The following DLGAP3 variants were observed in gnomAD, a reference collection of about 807,000 sequenced individuals.
DLGAP3 encodes DLG associated protein 3.
A neutral mutation model predicts 81.2 loss-of-function variants in DLGAP3; 17 were observed. The observed-to-expected ratio is 0.21, with a 90% confidence interval of 0.14 to 0.31. DLGAP3 has a LOEUF of 0.31. DLGAP3 is among the 10% of genes least tolerant of loss of function. The pLI is 1.00. For missense variants in DLGAP3, 1,124 were observed against 1,388.0 expected, an observed-to-expected ratio of 0.81 and a Z score of 3.02; for synonymous variants, 577 against 587.4, an observed-to-expected ratio of 0.98 and a Z score of 0.26.
At chr1:34,908,324 C>A (rs1015420047) in intron 1 of DLGAP3, among the ~76,000 whole-genome samples, 1 of 152,222 alleles carries the variant, frequency 6.6e-6, no homozygotes, top group Non-Finnish European at 1.5e-5. Context: ...TCAAGGAAGA[C>A]TTCTCAGAGG....
Position 34,904,711 on chromosome 1 carries a change from G to A in DLGAP3, c.673C>T (p.His225Tyr), listed in dbSNP as rs753976419. 6 of 1,613,258 alleles carry A rather than the reference G, an allele frequency of 3.7e-6. No homozygotes were observed. Among genetic ancestry groups the A allele is most frequent in the Non-Finnish European group, 5.1e-6 (6 of 1,180,034 alleles). Residue 225 changes from histidine (H) to tyrosine (Y), a missense_variant, in exon 3 of 12, where the codon CAC (histidine) becomes TAC (tyrosine). By Grantham distance (83) the His-to-Tyr change is moderately conservative. Coordinates refer to ENST00000373347, the MANE Select transcript of DLGAP3 (RefSeq NM_001080418.3). The surrounding 1 kb of genome is among the most constrained non-coding windows in gnomAD (Gnocchi z 8.1). ...TGGTGGTGATGGTGGTGGTGATGGTGGTGATGGGAGGTGTGGGGGCCTCCA... is the reference window on the plus strand; with the variant it reads ...TGGTGGTGATGGTGGTGGTGATGGTAGTGATGGGAGGTGTGGGGGCCTCCA... ...GSGGPHTSHHHHHHHHHHHHQ... is the reference protein window; with the variant it reads ...GSGGPHTSHHYHHHHHHHHHQ...
intron 8 of DLGAP3, among the ~76,000 whole-genome samples, chr1:34,882,408 G>A (rs930530959): frequency 1.3e-5 from 2 of 152,082 alleles, no homozygotes; most frequent in African/African-American, 4.8e-5. Flanking sequence ...AACCCGGGAG[G>A]CAGAGGTTGC....
Position 34,912,648 on chromosome 1 carries a change from T to A in DLGAP3, c.-134-5211A>T, listed in dbSNP as rs186631931. On this transcript the variant is annotated intron_variant, in intron 1 of 11. Coordinates refer to ENST00000373347, the MANE Select transcript of DLGAP3 (RefSeq NM_001080418.3). ...AGGCCTAGAATTCATTTTGCTGCTG[T>A]TGGCCTGGCTCCTCCATGCCTGTGA... Among the ~76,000 whole-genome samples the A allele has an allele frequency of 7.9e-5, 12 of 152,324 alleles. No individual in the cohort carries two copies. In the East Asian group the frequency reaches 1.7e-3, roughly 22 times the overall value.
chr1:34,898,145 A>G (rs1639404611), intron 5 of DLGAP3, among the ~76,000 whole-genome samples: 1 of 152,202 alleles, frequency 6.6e-6, no homozygotes, highest in Non-Finnish European at 1.5e-5. Flanking sequence ...GGCTGGAGAT[A>G]TACATTTGGT....
intron 5 of DLGAP3, among the ~76,000 whole-genome samples, chr1:34,894,782 A>G (rs1162447887): frequency 6.6e-6 from 1 of 152,212 alleles, no homozygotes; most frequent in African/African-American, 2.4e-5. Context: ...GGAGTAAAAA[A>G]GGTAGAGATG....
chr1:34,900,278 A>G lies in DLGAP3; in HGVS notation c.1108-5T>C. ...CCCCCAGTCATCTTGCGGCACCTGC[A>G]GGAACAGGGGTCTCTGTCTCTCAGA... On this transcript the variant is annotated splice_region_variant and splice_polypyrimidine_tract_variant and intron_variant, in intron 3 of 11. Coordinates refer to ENST00000373347, the MANE Select transcript of DLGAP3 (RefSeq NM_001080418.3). This position sits in a 1 kb window ranked among gnomAD's most constrained non-coding sequence, Gnocchi z 5.6. 1 of 1,613,374 alleles carries G rather than the reference A, an allele frequency of 6.2e-7. No individual in the cohort carries two copies. Among genetic ancestry groups the G allele is most frequent in the Non-Finnish European group, 8.5e-7 (1 of 1,179,670 alleles).
At position 34,873,425 on chromosome 1, in the gene DLGAP3, A is replaced by G. The variant is rs958265938; in HGVS notation, c.2001-4336T>C. On this transcript the variant is annotated intron_variant, in intron 8 of 11. Coordinates refer to ENST00000373347, the MANE Select transcript of DLGAP3 (RefSeq NM_001080418.3). The surrounding 1 kb of genome is among the most constrained non-coding windows in gnomAD (Gnocchi z 4.2). ...GTGCTCTGGAGCCTTGCCCGGGTCC[A>G]AAACCCAGCTCGGTGGCTTGTGCCT... Among the ~76,000 whole-genome samples the G allele has an allele frequency of 6.6e-6, 1 of 152,236 alleles. No individual in the cohort carries two copies. The highest frequency in any genetic ancestry group is 2.4e-5 in the African/African-American group (1 of 41,464).
At chr1:34,884,948 G>A (rs1639195088) in intron 8 of DLGAP3, 30 bp downstream of exon 8, 12 of 1,553,042 alleles carry the variant, frequency 7.7e-6, no homozygotes, top group East Asian at 2.2e-5. Context: ...GTCTCCCAGC[G>A]AAGCCTGGGC....
chr1:34,885,389 C>G, intron 7 of DLGAP3, 89 bp downstream of exon 7: 1 of 1,391,582 alleles, frequency 7.2e-7, no homozygotes, highest in African/African-American at 1.4e-5. Flanking sequence ...GAAAGAATGT[C>G]GATATATCCA....
At chr1:34,920,255 T>C (rs963715816) in intron 1 of DLGAP3, among the ~76,000 whole-genome samples, 2 of 152,156 alleles carry the variant, frequency 1.3e-5, no homozygotes, top group African/African-American at 4.8e-5. Context: ...CTGTTCCCTA[T>C]GGCAGGAGCC....
Position 34,922,547 on chromosome 1 carries a change from C to T in DLGAP3, c.-135+6904G>A, listed in dbSNP as rs553810551. Among the ~76,000 whole-genome samples the T allele has an allele frequency of 2.8e-4, 42 of 152,276 alleles. No homozygotes were observed. In the South Asian group the frequency reaches 5.0e-3, roughly 18 times the overall value. On this transcript the variant is annotated intron_variant, in intron 1 of 11. Coordinates refer to ENST00000373347, the MANE Select transcript of DLGAP3 (RefSeq NM_001080418.3). ...CACCACACACACACACACAGACATG[C>T]ACACATTGGTTTAATTCAGTAATTT...
In DLGAP3 at chr1:34,900,132, G is replaced by A. The variant is rs766461314; in HGVS notation, c.1249C>T (p.Pro417Ser). 1.2e-6 allele frequency: 2 copies of A among 1,614,044 alleles called. No individual in the cohort carries two copies. Among genetic ancestry groups the A allele is most frequent in the Admixed American group, 3.3e-5 (2 of 60,030 alleles). The change falls in exon 4 of 12, where the codon CCC (proline) becomes TCC (serine). Residue 417 changes from proline (P) to serine (S), a missense_variant. Physicochemically the swap from Pro to Ser is moderately conservative, Grantham distance 74. Around this residue, in one of 9 missense-constraint regions of DLGAP3, gnomAD observed 357 missense variants for 408.8 expected, o/e 0.87. Transcript: ENST00000373347. This position sits in a 1 kb window ranked among gnomAD's most constrained non-coding sequence, Gnocchi z 5.6. Reference sequence around the variant, plus strand: ...GTGAAGCGTCGGGCGACTGCTTTGGGAGATGTCTTGGGGCTGCCGTCTGAG... The same window carrying A: ...GTGAAGCGTCGGGCGACTGCTTTGGAAGATGTCTTGGGGCTGCCGTCTGAG... ...GDSDGSPKTS[P>S]KAVARRFTTR...
chr1:34,928,800 A>G (rs1569678743), intron 1 of DLGAP3, among the ~76,000 whole-genome samples: 1 of 151,906 alleles, frequency 6.6e-6, no homozygotes, highest in African/African-American at 2.4e-5. Context: ...TCACGCCGGC[A>G]CACACATCCA....
intron 1 of DLGAP3, among the ~76,000 whole-genome samples, chr1:34,915,670 G>A (rs1639706739): frequency 6.6e-6 from 1 of 152,182 alleles, no homozygotes; most frequent in Admixed American, 6.5e-5. Context: ...AGGCTGGCTG[G>A]TTGGCTGACT....
chr1:34,880,939 C>A (rs1439347511), intron 8 of DLGAP3, among the ~76,000 whole-genome samples: 1 of 152,106 alleles, frequency 6.6e-6, no homozygotes, highest in Non-Finnish European at 1.5e-5. Flanking sequence ...CCCCAAAAGG[C>A]ATCAGGCATA....
At chr1:34,923,979 AT>A in intron 1 of DLGAP3, among the ~76,000 whole-genome samples, 1 of 151,940 alleles carries the variant, frequency 6.6e-6, no homozygotes, top group Non-Finnish European at 1.5e-5. Flanking sequence ...TGAATATTTG[AT>A]TGTGCTCTTG....
Position 34,900,296 on chromosome 1 carries a change from C to T in DLGAP3, c.1108-23G>A, listed in dbSNP as rs184406191. ...CACCTGCAGGAACAGGGGTCTCTGT[C>T]TCTCAGACATGACCCTAGTAAATCT... On this transcript the variant is annotated intron_variant, in intron 3 of 11. Coordinates refer to ENST00000373347, the MANE Select transcript of DLGAP3 (RefSeq NM_001080418.3). This position sits in a 1 kb window ranked among gnomAD's most constrained non-coding sequence, Gnocchi z 5.6. 5.0e-6 allele frequency: 8 copies of T among 1,606,150 alleles called. No individual in the cohort carries two copies. In the East Asian group the frequency reaches 1.8e-4, roughly 36 times the overall value.
At chr1:34,906,016 TTATATATATA>T (rs150603784) in intron 2 of DLGAP3, among the ~76,000 whole-genome samples, 1 of 64,808 alleles carries the variant, frequency 1.5e-5, no homozygotes, top group Non-Finnish European at 3.4e-5. Context: ...GCCTCTAAAT[TTATATATATA>T]TATATATTTG....
intron 8 of DLGAP3, among the ~76,000 whole-genome samples, chr1:34,878,424 C>T (rs1398359436): frequency 6.6e-6 from 1 of 151,166 alleles, no homozygotes; most frequent in Non-Finnish European, 1.5e-5. Context: ...AGCAAGCAGC[C>T]ATAGCAATAA....
Sources: gnomAD v4.1 joint callset for allele counts (sites outside exome capture counted in the v4.1 genomes callset) on GRCh38, gnomAD v4.1.1 for gene constraint, gnomAD v4.1.1 regional missense constraint, Gnocchi (gnomAD v3.1) non-coding constraint, MANE v1.5 for transcripts, NCBI Gene and HGNC (gene_info 2026-07-23, HGNC 2026-07-21) for gene names.